SF3A1: variants seen among roughly 807,000 people sequenced by gnomAD.
The protein encoded by SF3A1 is SAP 114.
Under a neutral mutation model 89.9 loss-of-function variants are expected in SF3A1, and 13 were observed. The observed-to-expected ratio is 0.14, with a 90% CI of 0.09 to 0.23. The LOEUF (loss-of-function observed/expected upper bound fraction) is 0.23. Among genes scored for constraint, SF3A1 ranks in the 10% least tolerant of loss-of-function variants. SF3A1 has a pLI of 1.00. For synonymous variants in SF3A1, 405 were observed against 374.4 expected (o/e 1.08, Z -0.94); for missense variants, 604 against 1,022.1 (o/e 0.59, Z 5.58).
At position 30,345,236 on chromosome 22, in the gene SF3A1, G is replaced by A. The variant is rs752922645; in HGVS notation, c.394-46C>T. 3.2e-6 allele frequency: 5 copies of A among 1,574,860 alleles called. No homozygotes were observed. The Admixed American group carries it at 7.0e-5, about 22-fold the overall frequency. On this transcript the variant is annotated intron_variant, in intron 3 of 15. Coordinates refer to ENST00000215793, the MANE Select transcript of SF3A1 (RefSeq NM_005877.6). ...GAGGCGAGAGGCACAGGGGTGAACA[G>A]GCTCCAGGGGAGGGGAGGGGAGGGG...
chr22:30,356,455 T>C (rs951746928), intron 1 of SF3A1, among the ~76,000 whole-genome samples: 10 of 152,250 alleles, frequency 6.6e-5, no homozygotes, highest in Non-Finnish European at 1.3e-4. Flanking sequence ...TGTTCAAATG[T>C]AGATTCCTAT....
chr22:30,350,754 G>A (rs1931567511), intron 2 of SF3A1, among the ~76,000 whole-genome samples: 1 of 152,142 alleles, frequency 6.6e-6, no homozygotes, highest in African/African-American at 2.4e-5. Flanking sequence ...ATGAGAATAT[G>A]GTGATTCTTC....
At position 30,337,781 on chromosome 22, in the gene SF3A1, G is replaced by A; in HGVS notation, c.1860C>T (p.Ile620=). ...CCACGTTGATTCTGGGCGCGTGGAT[G>A]ATGGGCGGCATGGGGGCGATCACTG... ...PGSVIAPMPP[I]IHAPRINVVP... is the part of the protein sequence containing the mutation. Residue 620 remains isoleucine, a synonymous_variant, in exon 12 of 16, where the codon ATC becomes ATT. Transcript: ENST00000215793. The A allele has an allele frequency of 6.3e-7, 1 of 1,597,350 alleles. No homozygotes were observed. The highest frequency in any genetic ancestry group is 8.5e-7 in the Non-Finnish European group (1 of 1,173,448).
chr22:30,348,928 G>A (rs1324887392), intron 2 of SF3A1, among the ~76,000 whole-genome samples: 1 of 152,150 alleles, frequency 6.6e-6, no homozygotes, highest in Non-Finnish European at 1.5e-5. Context: ...GGCTTGGCAT[G>A]TTCATTCCAA....
chr22:30,340,641 G>C, intron 8 of SF3A1, 54 bp downstream of exon 8: 1 of 1,108,382 alleles, frequency 9.0e-7, no homozygotes, highest in East Asian at 2.4e-5. Context: ...GAACACATGA[G>C]GGCACACAGG....
In SF3A1 at chr22:30,337,704, A is replaced by C; in HGVS notation, c.1937T>G (p.Met646Arg). The change falls in exon 12 of 16, where the codon ATG (methionine) becomes AGG (arginine). Residue 646 changes from methionine (M) to arginine (R), a missense_variant. Physicochemically the swap from Met to Arg is moderately conservative, Grantham distance 91. This residue lies in a region of SF3A1 where 45 missense variants were observed against 41.1 expected (regional missense o/e 1.09). Transcript: ENST00000215793. ...GAGATACTGACCTGTTGGCACAATC[A>C]TGGGGGGTGGGCGGGGGGCCATAAT... is the stretch of plus-strand genomic sequence containing the variant. Reference protein sequence around the residue: ...PPIMAPRPPPMIVPTAFVPAP... With the variant: ...PPIMAPRPPPRIVPTAFVPAP... 9.2e-6 allele frequency: 4 copies of C among 434,412 alleles called. No homozygotes were observed. Among genetic ancestry groups the C allele is most frequent in the African/African-American group, 4.2e-5 (1 of 23,988 alleles). 26.9% of individuals were successfully genotyped at this position (434,412 alleles called of 1,614,324 possible).
chr22:30,338,846 T>C lies in SF3A1; in HGVS notation c.1686A>G (p.Ser562=). 1.2e-6 allele frequency: 2 copies of C among 1,614,212 alleles called. No homozygotes were observed. The highest frequency in any genetic ancestry group is 1.7e-6 in the Non-Finnish European group (2 of 1,180,026). The change falls in exon 11 of 16, where the codon TCA becomes TCG. Residue 562 remains serine, a synonymous_variant. Coordinates refer to ENST00000215793, the MANE Select transcript of SF3A1 (RefSeq NM_005877.6). ...GAGCCGAGCTGGGGATGTTGGTGGCTGAAGATGGTGGCGGTGGCTGTTGAG... is the reference window on the plus strand; with the variant it reads ...GAGCCGAGCTGGGGATGTTGGTGGCCGAAGATGGTGGCGGTGGCTGTTGAG... ...EIPQQPPPPS[S]ATNIPSSAPP... is the part of the protein sequence containing the mutation.
rs988636669 is a variant in SF3A1, at chr22:30,356,839, G to A, written c.-47C>T. The A allele has an allele frequency of 1.5e-6, 2 of 1,296,796 alleles. No individual in the cohort carries two copies. Among genetic ancestry groups the A allele is most frequent in the East Asian group, 6.2e-5 (2 of 32,106 alleles). The allele number at this position is 1,296,796 out of a possible 1,614,324, so 80.3% of individuals were successfully genotyped here. A position where few individuals can be genotyped will look rare whatever the true frequency, so the allele number is the denominator to read the frequency against. On this transcript the variant is annotated 5_prime_UTR_variant, in exon 1 of 16. Transcript: ENST00000215793. ...CAGTCCGCCTCGGTGTCGGTGAGCG[G>A]TGCCGCCTCAAGACAGCCTCCCCGC...
At chr22:30,355,815 T>C (rs1218464495) in intron 1 of SF3A1, among the ~76,000 whole-genome samples, 34 of 92,346 alleles carry the variant, frequency 3.7e-4, no homozygotes, top group East Asian at 1.2e-3. Context: ...TCAGTCATGT[T>C]CCCCCCCCCC....
chr22:30,344,278 A>C (rs1226586090), intron 4 of SF3A1, among the ~76,000 whole-genome samples: 1 of 152,196 alleles, frequency 6.6e-6, no homozygotes, highest in Non-Finnish European at 1.5e-5. Flanking sequence ...GCTACCTTAT[A>C]GGCTACCGGA....
At position 30,337,664 on chromosome 22, in the gene SF3A1, T is replaced by C. The variant is rs764293772; in HGVS notation, c.1951+26A>G. 10 of 992,052 alleles carry C rather than the reference T, an allele frequency of 1.0e-5. No individual in the cohort carries two copies. In the African/African-American group the frequency reaches 1.9e-4, roughly 19 times the overall value. 61.5% of individuals were successfully genotyped at this position (992,052 alleles called of 1,614,324 possible). On this transcript the variant is annotated intron_variant, in intron 12 of 15. Transcript: ENST00000215793. Reference sequence around the variant, plus strand: ...GCCCGTGGTCCCTGAACTAATGGCCTGGAAAATGATGCAAGAGATACTGAC... The same window carrying C: ...GCCCGTGGTCCCTGAACTAATGGCCCGGAAAATGATGCAAGAGATACTGAC...
chr22:30,342,920 A>G (rs753126438), intron 4 of SF3A1, 41 bp from the exon 5 acceptor site: 2 of 1,329,284 alleles, frequency 1.5e-6, no homozygotes, highest in South Asian at 2.3e-5. Flanking sequence ...AGTGCTTTAC[A>G]ACGCAGTACA....
rs1601692821 is a variant in SF3A1, at chr22:30,340,172, G to A, written c.1375+24C>T. On this transcript the variant is annotated intron_variant, in intron 9 of 15. Coordinates refer to ENST00000215793, the MANE Select transcript of SF3A1 (RefSeq NM_005877.6). ...GGCTGTAATTCGGAGACTACCATGG[G>A]CTCTCCTGGAACCCCCACCTCACCT... The A allele has an allele frequency of 3.4e-6, 5 of 1,470,732 alleles. No homozygotes were observed. The East Asian group carries it at 7.5e-5, about 22-fold the overall frequency. The allele number at this position is 1,470,732 out of a possible 1,614,324, so 91.1% of individuals were successfully genotyped here. A position where few individuals can be genotyped will look rare whatever the true frequency, so the allele number is the denominator to read the frequency against.
At chr22:30,353,339 T>C (rs373164824) in intron 1 of SF3A1, among the ~76,000 whole-genome samples, 2 of 152,206 alleles carry the variant, frequency 1.3e-5, no homozygotes, top group African/African-American at 4.8e-5. Flanking sequence ...ATTTTTACTA[T>C]GGTATGAGAC....
intron 12 of SF3A1, 81 bp from the exon 13 acceptor site, chr22:30,337,261 G>C: frequency 1.6e-5 from 21 of 1,305,330 alleles, no homozygotes; most frequent in Non-Finnish European, 1.9e-5. Context: ...TGAGAGGGAA[G>C]GTTGCAAAGG....
chr22:30,338,181 A>G (rs1931135242), intron 11 of SF3A1, among the ~76,000 whole-genome samples: 1 of 152,172 alleles, frequency 6.6e-6, no homozygotes. Context: ...GACCTTGGCC[A>G]GGCACAGTGG....
At chr22:30,337,644 T>C (rs1316517303) in intron 12 of SF3A1, 46 bp downstream of exon 12, 1 of 908,280 alleles carries the variant, frequency 1.1e-6, no homozygotes, top group Non-Finnish European at 1.8e-6. Flanking sequence ...ACTTGGCCCG[T>C]GGTCCCTGAA....
Position 30,332,651 on chromosome 22 carries a change from A to C in SF3A1, c.*1943T>G, listed in dbSNP as rs1930951796. On this transcript the variant is annotated 3_prime_UTR_variant, in exon 16 of 16. Transcript: ENST00000215793. ...GCAGGTCCTAAACTAGTGCAGTGCC[A>C]AGCAGCACACTGGGCCTGTGGCCAC... The C allele has an allele frequency of 6.6e-6, 1 of 152,252 alleles. No individual in the cohort carries two copies. The highest frequency in any genetic ancestry group is 1.5e-5 in the Non-Finnish European group (1 of 68,056). The allele number at this position is 152,252 out of a possible 1,614,324, so 9.4% of individuals were successfully genotyped here. A position where few individuals can be genotyped will look rare whatever the true frequency, so the allele number is the denominator to read the frequency against.
At chr22:30,356,523 G>A (rs892373430) in intron 1 of SF3A1, 3 of 405,630 alleles carry the variant, frequency 7.4e-6, no homozygotes, top group African/African-American at 4.1e-5. Context: ...TCGTGCCGAC[G>A]GGGCTGCTCC....
Sources: allele counts gnomAD v4.1 joint callset (sites outside exome capture counted in the v4.1 genomes callset), GRCh38; gene constraint gnomAD v4.1.1; regional missense constraint gnomAD v4.1.1; transcripts MANE v1.5; gene names NCBI Gene and HGNC (gene_info 2026-07-23, HGNC 2026-07-21).